SSR1: variants seen among roughly 807,000 people sequenced by gnomAD.
SSR1 encodes the protein translocon-associated protein subunit alpha.
SSR1 carries 13 observed loss-of-function variants against 36.1 expected under a neutral mutation model. The observed-to-expected ratio is 0.36, with a 90% CI of 0.23 to 0.57. The LOEUF (loss-of-function observed/expected upper bound fraction) is 0.57, where lower values mean the gene tolerates loss of function less well. Ranked by LOEUF, SSR1 falls within the 20% of genes least tolerant of loss-of-function variation. The pLI, the probability that SSR1 is intolerant of heterozygous loss-of-function variation, is 0.81. For synonymous variants in SSR1, 113 were observed against 118.9 expected (o/e 0.95, Z 0.32); for missense variants, 291 against 338.5 (o/e 0.86, Z 1.10).
rs772912720 is a variant in SSR1, at chr6:7,313,027, C to A, written c.79+15G>T. The A allele has an allele frequency of 1.9e-6, 3 of 1,590,670 alleles. No homozygotes were observed. The African/African-American group carries it at 4.0e-5, about 21-fold the overall frequency. On this transcript the variant is annotated intron_variant, in intron 1 of 7. Transcript: ENST00000244763. ...CCTTCCTGGCCATCCCCTCCGCACA[C>A]TCCCCCAGCCTCACCTCTGGGGCCG... is the stretch of plus-strand genomic sequence containing the variant.
At chr6:7,308,999 T>C (rs753687699) in intron 2 of SSR1, among the ~76,000 whole-genome samples, 1 of 152,228 alleles carries the variant, frequency 6.6e-6, no homozygotes, top group African/African-American at 2.4e-5. Flanking sequence ...TCTAGACTCA[T>C]GTCACCACGA....
chr6:7,310,224 A>ATTT (rs10633004), intron 1 of SSR1, among the ~76,000 whole-genome samples, 195 bp from the exon 2 acceptor site: 16,937 of 139,228 alleles, frequency 0.12, 1,523 homozygotes, highest in African/African-American at 0.25. Flanking sequence ...CTGCATATCA[A>ATTT]TTTTTTTTTT....
rs1392946718 is a variant in SSR1 at position 7,289,782 on chromosome 6, G to C, written c.*82C>G. 2 of 1,280,144 alleles carry C rather than the reference G, an allele frequency of 1.6e-6. No homozygotes were observed. The highest frequency in any genetic ancestry group is 5.2e-5 in the Admixed American group (2 of 38,708). The allele number at this position is 1,280,144 out of a possible 1,614,324, so 79.3% of individuals were successfully genotyped here. On this transcript the variant is annotated 3_prime_UTR_variant, in exon 8 of 8. Transcript: ENST00000244763. ...TAGGAGTTGCCTTCTATGGTGACATGGCTTCTCTGCACTAATTCCCATCAG... is the reference window on the plus strand; with the variant it reads ...TAGGAGTTGCCTTCTATGGTGACATCGCTTCTCTGCACTAATTCCCATCAG...
intron 2 of SSR1, among the ~76,000 whole-genome samples, chr6:7,306,752 T>TAAAA (rs891348406): frequency 1.7e-4 from 25 of 151,510 alleles, no homozygotes; most frequent in Admixed American, 1.6e-3. Flanking sequence ...CCGTCTCTAC[T>TAAAA]AAAAATACAA....
At chr6:7,302,061 A>G (rs1020029520) in intron 3 of SSR1, among the ~76,000 whole-genome samples, 2 of 152,240 alleles carry the variant, frequency 1.3e-5, no homozygotes, top group Non-Finnish European at 2.9e-5. Context: ...TCAAAATGCA[A>G]ATTTGAAGGT....
At chr6:7,312,984 T>C in intron 1 of SSR1, 58 bp downstream of exon 1, 1 of 1,523,198 alleles carries the variant, frequency 6.6e-7, no homozygotes, top group African/African-American at 1.4e-5. Flanking sequence ...AACTTCAAAC[T>C]TGCCATCACT....
chr6:7,301,233 A>G, intron 4 of SSR1, 77 bp downstream of exon 4: 1 of 1,501,778 alleles, frequency 6.7e-7, no homozygotes, highest in Non-Finnish European at 8.9e-7. Context: ...CTGAATGAAC[A>G]GATATATTCT....
intron 2 of SSR1, among the ~76,000 whole-genome samples, chr6:7,308,351 G>A (rs937332601): frequency 2.0e-5 from 3 of 151,974 alleles, no homozygotes; most frequent in African/African-American, 7.2e-5. Flanking sequence ...AAAAATGAAA[G>A]TAAGTCAAAA....
intron 1 of SSR1, among the ~76,000 whole-genome samples, chr6:7,312,067 T>C (rs1758206152): frequency 1.3e-5 from 2 of 152,242 alleles, no homozygotes; most frequent in African/African-American, 4.8e-5. Flanking sequence ...CGTGAATACC[T>C]GTCACTACCG....
rs751079010 is a variant in SSR1 at position 7,298,727 on chromosome 6, ATAC to A, written c.620+17_620+19del. On this transcript the variant is annotated intron_variant, in intron 5 of 7. Coordinates refer to ENST00000244763, the MANE Select transcript of SSR1 (RefSeq NM_003144.5). ...CTTTACGAGCAAAATCAAGATCTAC[ATAC>A]TACAACTTTCACTTACGTTTCTCCA... 1 of 1,591,340 alleles carries A rather than the reference ATAC, an allele frequency of 6.3e-7. No individual in the cohort carries two copies. The highest frequency in any genetic ancestry group is 8.6e-7 in the Non-Finnish European group (1 of 1,159,818).
chr6:7,293,361 G>A (rs539106447), intron 7 of SSR1, among the ~76,000 whole-genome samples: 5 of 151,298 alleles, frequency 3.3e-5, no homozygotes, highest in South Asian at 2.1e-4. Context: ...ACCCTTCCCC[G>A]AGTCCCAAAA....
chr6:7,301,536 C>G lies in SSR1; in HGVS notation c.317G>C (p.Gly106Ala). 6.2e-7 allele frequency: 1 copy of G among 1,612,600 alleles called. No individual in the cohort carries two copies. Among genetic ancestry groups the G allele is most frequent in the Non-Finnish European group, 8.5e-7 (1 of 1,179,734 alleles). ...ATCTTCTGTACCCTTGTTGGTAAAGCCTACCAGGAACTTCACAATGTTATT... is the reference window on the plus strand; with the variant it reads ...ATCTTCTGTACCCTTGTTGGTAAAGGCTACCAGGAACTTCACAATGTTATT... ...PANNIVKFLV[G>A]FTNKGTEDFI... is the part of the protein sequence containing the mutation. The change falls in exon 4 of 8, where the codon GGC (glycine) becomes GCC (alanine). Residue 106 changes from glycine to alanine, a missense_variant. Gly to Ala is a moderately conservative substitution (Grantham distance 60). Coordinates refer to ENST00000244763, the MANE Select transcript of SSR1 (RefSeq NM_003144.5).
At chr6:7,304,924 A>G (rs1758023429) in intron 2 of SSR1, among the ~76,000 whole-genome samples, 1 of 152,222 alleles carries the variant, frequency 6.6e-6, no homozygotes, top group Non-Finnish European at 1.5e-5. Flanking sequence ...TGCACTTAAG[A>G]GAGAGTGCAC....
intron 6 of SSR1, chr6:7,297,122 A>C: frequency 2.9e-6 from 1 of 339,382 alleles, no homozygotes; most frequent in Non-Finnish European, 5.8e-6. Flanking sequence ...CAGGAAGCTG[A>C]GGTGGGAGGA....
chr6:7,297,889 AAC>A lies in SSR1; in HGVS notation c.699+32_699+33del, dbSNP rs1429603969. 3 of 1,574,382 alleles carry A rather than the reference AAC, an allele frequency of 1.9e-6. No homozygotes were observed. The South Asian group carries it at 3.4e-5, about 18-fold the overall frequency. On this transcript the variant is annotated intron_variant, in intron 6 of 7. Transcript: ENST00000244763. ...TAACTTAGTACTTAACAACTTTTGA[AAC>A]ACGGCTGTAAGAGGTGTTCATCCAT... is the stretch of plus-strand genomic sequence containing the variant.
intron 6 of SSR1, among the ~76,000 whole-genome samples, chr6:7,296,325 ATAG>A (rs1204378591): frequency 6.6e-6 from 1 of 152,252 alleles, no homozygotes; most frequent in Non-Finnish European, 1.5e-5. Context: ...TTTCATTTAA[ATAG>A]AAGAAAAATG....
chr6:7,310,868 A>G (rs544051187), intron 1 of SSR1, among the ~76,000 whole-genome samples: 2 of 152,278 alleles, frequency 1.3e-5, no homozygotes, highest in East Asian at 1.9e-4. Context: ...CCAAGATTGT[A>G]CCACTGCACT....
chr6:7,293,286 C>T (rs1757722871), intron 7 of SSR1, among the ~76,000 whole-genome samples: 1 of 152,004 alleles, frequency 6.6e-6, no homozygotes, highest in Admixed American at 6.6e-5. Context: ...GACTCTGGCG[C>T]ATCCATCACC....
chr6:7,291,223 A>C (rs1757671814), intron 7 of SSR1, among the ~76,000 whole-genome samples: 1 of 151,970 alleles, frequency 6.6e-6, no homozygotes, highest in South Asian at 2.1e-4. Context: ...ACATGATGAA[A>C]TCCCATCTCT....
Sources: gnomAD v4.1 joint callset for allele counts (sites outside exome capture counted in the v4.1 genomes callset) on GRCh38, gnomAD v4.1.1 for gene constraint, MANE v1.5 for transcripts, NCBI Gene and HGNC (gene_info 2026-07-23, HGNC 2026-07-21) for gene names.